Variants in LHFPL3 observed in about 807,000 individuals in gnomAD.
LHFPL3 encodes LHFPL tetraspan subfamily member 3 protein.
Under a neutral mutation model 19.3 loss-of-function variants are expected in LHFPL3, and 5 were observed. The observed-to-expected ratio is 0.26, with a 90% CI of 0.14 to 0.54. The LOEUF is 0.54. Among genes scored for constraint, LHFPL3 ranks in the 20% least tolerant of loss-of-function variants. The pLI is 0.94. For synonymous variants in LHFPL3, 133 were observed against 126.2 expected, an observed-to-expected ratio of 1.05 and a Z score of -0.36; for missense variants, 249 against 307.4, an observed-to-expected ratio of 0.81 and a Z score of 1.42.
At chr7:104,733,815 A>G (rs951822442) in intron 1 of LHFPL3, among the ~76,000 whole-genome samples, 7 of 152,298 alleles carry the variant, frequency 4.6e-5, no homozygotes, top group Admixed American at 6.5e-5. Context: ...TCTTCCTAGC[A>G]TCGATGGGCT....
chr7:104,631,075 G>T (rs376483927), intron 1 of LHFPL3, among the ~76,000 whole-genome samples: 4 of 152,106 alleles, frequency 2.6e-5, no homozygotes, highest in Non-Finnish European at 4.4e-5. Flanking sequence ...TTCACAAGAA[G>T]GTGTCTGATC....
intron 1 of LHFPL3, among the ~76,000 whole-genome samples, chr7:104,368,504 C>G (rs78501036): frequency 6.6e-6 from 1 of 152,114 alleles, no homozygotes. Flanking sequence ...TTCTGCGGCG[C>G]GTAATCTCCT....
At chr7:104,585,726 G>A (rs1315578293) in intron 1 of LHFPL3, among the ~76,000 whole-genome samples, 2 of 152,134 alleles carry the variant, frequency 1.3e-5, no homozygotes, top group African/African-American at 4.8e-5. Flanking sequence ...AAGACTGCAG[G>A]GGAATGCAGA....
At chr7:104,853,926 C>T (rs1409972208) in intron 2 of LHFPL3, among the ~76,000 whole-genome samples, 1 of 151,936 alleles carries the variant, frequency 6.6e-6, no homozygotes, top group Non-Finnish European at 1.5e-5. Context: ...TATCTGTTTA[C>T]CCACCAGAGA....
chr7:104,494,284 G>T (rs543625774), intron 1 of LHFPL3, among the ~76,000 whole-genome samples: 24 of 152,202 alleles, frequency 1.6e-4, no homozygotes, highest in Non-Finnish European at 3.1e-4. Context: ...AACATTTCAT[G>T]CCCTGAGCCA....
chr7:104,465,424 T>A (rs531357677), intron 1 of LHFPL3, among the ~76,000 whole-genome samples: 1 of 152,170 alleles, frequency 6.6e-6, no homozygotes, highest in Non-Finnish European at 1.5e-5. Flanking sequence ...CCCCACTCTC[T>A]GCAGTACTGA....
intron 1 of LHFPL3, among the ~76,000 whole-genome samples, chr7:104,557,349 A>G (rs1009417193): frequency 6.6e-6 from 1 of 152,242 alleles, no homozygotes; most frequent in Non-Finnish European, 1.5e-5. Context: ...GCAGAAGGCA[A>G]GGAGGATCAA....
At chr7:104,740,673 T>TA (rs1194609936) in intron 2 of LHFPL3, among the ~76,000 whole-genome samples, 6 of 152,200 alleles carry the variant, frequency 3.9e-5, no homozygotes, top group Admixed American at 6.5e-5. Flanking sequence ...CTCCCATTTA[T>TA]AAAACCATCA....
In LHFPL3 at chr7:104,623,755, C is replaced by G. The variant is rs150617188; in HGVS notation, c.446-112920C>G. Among the ~76,000 whole-genome samples the G allele has an allele frequency of 2.6e-4, 40 of 152,300 alleles. No homozygotes were observed. The East Asian group carries it at 6.4e-3, about 24-fold the overall frequency. On this transcript the variant is annotated intron_variant, in intron 1 of 2. Coordinates refer to ENST00000424859, the MANE Select transcript of LHFPL3 (RefSeq NM_199000.3). ...TCCACATGAAGGAGAAGCAAGGTTC[C>G]TGGCCCACGGCTGCAGCTGAGCTTC...
intron 1 of LHFPL3, among the ~76,000 whole-genome samples, chr7:104,626,018 T>A (rs1791538477): frequency 2.0e-5 from 3 of 152,234 alleles, no homozygotes; most frequent in Non-Finnish European, 4.4e-5. Flanking sequence ...ACTGTCACCC[T>A]TGGCATATAT....
chr7:104,863,992 C>T (rs1791666447), intron 2 of LHFPL3, among the ~76,000 whole-genome samples: 1 of 152,192 alleles, frequency 6.6e-6, no homozygotes, highest in Admixed American at 6.5e-5. Context: ...TCCATCAAAT[C>T]CCTAGAACAC....
At chr7:104,484,754 G>C (rs776240545) in intron 1 of LHFPL3, among the ~76,000 whole-genome samples, 11 of 152,312 alleles carry the variant, frequency 7.2e-5, no homozygotes, top group Middle Eastern at 3.4e-3. Context: ...CATCCCATGA[G>C]GGGGGAAGGC....
chr7:104,340,753 A>G (rs189713139), intron 1 of LHFPL3, among the ~76,000 whole-genome samples: 1 of 152,196 alleles, frequency 6.6e-6, no homozygotes, highest in South Asian at 2.1e-4. Context: ...TGCATTACTA[A>G]CAAAACACCA....
chr7:104,432,770 C>G (rs1240458094), intron 1 of LHFPL3, among the ~76,000 whole-genome samples: 2 of 152,072 alleles, frequency 1.3e-5, no homozygotes, highest in African/African-American at 4.8e-5. Flanking sequence ...TTCTTGATCT[C>G]TCCCCCATAT....
At chr7:104,810,102 T>C (rs188028933) in intron 2 of LHFPL3, among the ~76,000 whole-genome samples, 34 of 152,214 alleles carry the variant, frequency 2.2e-4, no homozygotes, top group South Asian at 4.2e-4. Context: ...ACCAGGGGAA[T>C]TGTATGTTCA....
chr7:104,417,884 C>CTTCTTCTTTTT (rs1554391164), intron 1 of LHFPL3, among the ~76,000 whole-genome samples: 47 of 117,748 alleles, frequency 4.0e-4, no homozygotes, highest in Non-Finnish European at 6.3e-4. Context: ...TCTTCTTCTT[C>CTTCTTCTTTTT]TTTTTTTTTT....
intron 2 of LHFPL3, among the ~76,000 whole-genome samples, chr7:104,818,196 C>A (rs4266569): frequency 6.6e-6 from 1 of 151,966 alleles, no homozygotes; most frequent in African/African-American, 2.4e-5. Flanking sequence ...TATGGTGGTT[C>A]ATTTTCCTGT....
intron 1 of LHFPL3, among the ~76,000 whole-genome samples, chr7:104,488,447 T>TC (rs1793277491): frequency 6.6e-6 from 1 of 152,144 alleles, no homozygotes. Flanking sequence ...AAGAAGGCAG[T>TC]CATACCACTT....
intron 2 of LHFPL3, among the ~76,000 whole-genome samples, chr7:104,854,588 A>G (rs549718385): frequency 9.2e-5 from 14 of 152,340 alleles, no homozygotes; most frequent in Admixed American, 2.6e-4. Context: ...TCAACAATGT[A>G]TCTTCTTATA....
Sources: gnomAD v4.1 joint callset for allele counts (sites outside exome capture counted in the v4.1 genomes callset) on GRCh38, gnomAD v4.1.1 for gene constraint, MANE v1.5 for transcripts, NCBI Gene and HGNC (gene_info 2026-07-23, HGNC 2026-07-21) for gene names.